MYH11: variants seen among roughly 807,000 people sequenced by gnomAD.
MYH11 encodes myosin heavy chain 11.
MYH11 carries 80 observed loss-of-function variants against 246.6 expected under a neutral mutation model. That is an observed-to-expected ratio of 0.32 (90% CI 0.27 to 0.39). The LOEUF (loss-of-function observed/expected upper bound fraction) is 0.39, where lower values mean the gene tolerates loss of function less well. MYH11 is among the 10% of genes least tolerant of loss of function. MYH11 has a pLI of 1.00. For synonymous variants in MYH11, 1,071 were observed against 1,015.5 expected (o/e 1.05, Z -1.04); for missense variants, 2,158 against 2,546.8 (o/e 0.85, Z 3.29).
rs1027287400 is a variant in MYH11 at position 15,844,691 on chromosome 16, T to TA, written c.-17-6423dup. ...GGCATTATAGCAAGACCCCATCCCT[T>TA]AAAAAAAATATCAGCCAGGCATGAT... On this transcript the variant is annotated intron_variant, in intron 1 of 40. Coordinates refer to ENST00000300036, the MANE Select transcript of MYH11 (RefSeq NM_002474.3). Among the ~76,000 whole-genome samples, 7 of 151,324 alleles carry TA rather than the reference T, an allele frequency of 4.6e-5. 1 individual carries two copies. In the South Asian group the frequency reaches 1.3e-3, roughly 27 times the overall value.
chr16:15,725,918 T>C (rs1384399111), intron 28 of MYH11: 3 of 380,036 alleles, frequency 7.9e-6, no homozygotes, highest in Non-Finnish European at 1.4e-5. Context: ...CTACATCATC[T>C]GGGTACAAGC....
At chr16:15,784,624 G>T in intron 5 of MYH11, 2 of 1,546,172 alleles carry the variant, frequency 1.3e-6, no homozygotes, top group South Asian at 2.3e-5. Flanking sequence ...CTCGGTGGGT[G>T]CAAGAGGATC....
chr16:15,763,389 G>T (rs897888523), intron 10 of MYH11, among the ~76,000 whole-genome samples: 7 of 152,032 alleles, frequency 4.6e-5, no homozygotes, highest in Non-Finnish European at 8.8e-5. Flanking sequence ...TCGGGATCTT[G>T]TCTGGTCACT....
In MYH11 at chr16:15,721,472, T is replaced by G; in HGVS notation, c.4528A>C (p.Lys1510Gln). 1.2e-6 allele frequency: 2 copies of G among 1,614,210 alleles called. No individual in the cohort carries two copies. The highest frequency in any genetic ancestry group is 1.7e-6 in the Non-Finnish European group (2 of 1,180,040). ...EELERTNKML[K>Q]AEMEDLVSSK... ...CTGACCAGGTCTTCCATTTCGGCTTTGAGCATTTTGTTGGTCCGCTCGAGT... is the reference window on the plus strand; with the variant it reads ...CTGACCAGGTCTTCCATTTCGGCTTGGAGCATTTTGTTGGTCCGCTCGAGT... The change falls in exon 32 of 41, where the codon AAA (lysine) becomes CAA (glutamine). Residue 1510 changes from lysine to glutamine, a missense_variant. Coordinates refer to ENST00000300036, the MANE Select transcript of MYH11 (RefSeq NM_002474.3).
intron 8 of MYH11, among the ~76,000 whole-genome samples, chr16:15,773,894 G>A (rs982995607): frequency 6.6e-6 from 1 of 152,026 alleles, no homozygotes; most frequent in East Asian, 1.9e-4. Context: ...TTCCTTTGTT[G>A]TTGTTCAGCT....
intron 20 of MYH11, among the ~76,000 whole-genome samples, chr16:15,744,650 C>A (rs2041367306): frequency 6.6e-6 from 1 of 152,028 alleles, no homozygotes; most frequent in African/African-American, 2.4e-5. Context: ...TTACAGGTGC[C>A]TGCCACCATA....
In MYH11 at chr16:15,789,973, C is replaced by T. The variant is rs138068031; in HGVS notation, c.531-3241G>A. Among the ~76,000 whole-genome samples, 219 of 152,280 alleles carry T rather than the reference C, an allele frequency of 1.4e-3. No individual in the cohort carries two copies. The Middle Eastern group carries it at 0.017, about 12-fold the overall frequency. Reference sequence around the variant, plus strand: ...TTTCCCACAATAGTTCCTTCCTTTCCACCCTGGCCTTGAACCTCTCTCACC... The same window carrying T: ...TTTCCCACAATAGTTCCTTCCTTTCTACCCTGGCCTTGAACCTCTCTCACC... On this transcript the variant is annotated intron_variant, in intron 4 of 40. Transcript: ENST00000300036.
chr16:15,763,583 TG>T (rs1050338868), intron 10 of MYH11, among the ~76,000 whole-genome samples: 21 of 152,232 alleles, frequency 1.4e-4, no homozygotes, highest in African/African-American at 5.1e-4. Flanking sequence ...CTATTAGGTT[TG>T]TTTTTTTTTA....
intron 16 of MYH11, chr16:15,749,703 T>C (rs1178547409): frequency 3.9e-6 from 1 of 254,374 alleles, no homozygotes; most frequent in East Asian, 9.7e-5. Flanking sequence ...CACTAGATGC[T>C]GACTAACAGC....
In MYH11 at chr16:15,747,919, G is replaced by A; in HGVS notation, c.2205C>T (p.Ala735=). The change falls in exon 18 of 41, where the codon GCC becomes GCT. Residue 735 remains alanine (A), a synonymous_variant. Coordinates refer to ENST00000300036, the MANE Select transcript of MYH11 (RefSeq NM_002474.3). The part of the protein sequence containing the change: ...RQRYEILAAN[A]IPKGFMDGKQ... The stretch of plus-strand genomic sequence containing the variant: ...TCCCGTCCATGAAGCCTTTGGGGAT[G>A]GCATTCGCCGCCAGGATCTCGTAGC... The A allele has an allele frequency of 6.2e-7, 1 of 1,614,030 alleles. No homozygotes were observed. Among genetic ancestry groups the A allele is most frequent in the South Asian group, 1.1e-5 (1 of 91,074 alleles).
chr16:15,801,555 G>A (rs1360957750), intron 3 of MYH11, among the ~76,000 whole-genome samples: 1 of 151,998 alleles, frequency 6.6e-6, no homozygotes, highest in Non-Finnish European at 1.5e-5. Context: ...CAGCTACTTG[G>A]GAGGCTGAGA....
rs61612274 is a variant in MYH11 at position 15,760,349 on chromosome 16, AATGG to A, written c.1248+187_1248+190del. ...GGGTGAGCAGATAGATGGGCAGATG[AATGG>A]ATGGATGGATGGATGGATGAACAGA... On this transcript the variant is annotated intron_variant, in intron 11 of 40. Transcript: ENST00000300036. Among the ~76,000 whole-genome samples the A allele has an allele frequency of 0.13, 19,329 of 151,560 alleles. 2,529 individuals carry two copies. Among genetic ancestry groups the A allele is most frequent in the African/African-American group, 0.34 (13,849 of 41,102 alleles).
intron 1 of MYH11, among the ~76,000 whole-genome samples, chr16:15,840,610 C>A (rs28594849): frequency 3.7e-3 from 566 of 152,030 alleles, no homozygotes; most frequent in Non-Finnish European, 6.5e-3. Context: ...TGCATGCCTA[C>A]GGTTCCAGCT....
At chr16:15,705,290 G>A (rs969265371) in intron 40 of MYH11, among the ~76,000 whole-genome samples, 2 of 152,138 alleles carry the variant, frequency 1.3e-5, no homozygotes, top group African/African-American at 4.8e-5. Context: ...CCTCTGAGGT[G>A]GATTTTAGCT....
chr16:15,710,757 G>C (rs138289851), intron 40 of MYH11, among the ~76,000 whole-genome samples: 27 of 152,044 alleles, frequency 1.8e-4, no homozygotes, highest in African/African-American at 6.5e-4. Flanking sequence ...GCTCACTGCA[G>C]GCTCCTCCTC....
intron 1 of MYH11, among the ~76,000 whole-genome samples, chr16:15,847,289 C>T (rs1006537795): frequency 7.0e-6 from 1 of 141,942 alleles, no homozygotes; most frequent in Admixed American, 7.4e-5. Flanking sequence ...CTTGCTCTGT[C>T]GCCCAGGCTG....
chr16:15,734,944 C>T (rs563298859), intron 26 of MYH11, among the ~76,000 whole-genome samples: 5 of 151,920 alleles, frequency 3.3e-5, no homozygotes, highest in Non-Finnish European at 5.9e-5. Context: ...GTTTGGGAGG[C>T]GGAAGTGGGT....
chr16:15,798,802 A>ATTGGAAGT (rs2042814090), intron 3 of MYH11, 115 bp from the exon 4 acceptor site: 3 of 1,137,560 alleles, frequency 2.6e-6, no homozygotes, highest in African/African-American at 1.6e-5. Context: ...TGCTGGCCTC[A>ATTGGAAGT]TTGGAAGTGA....
chr16:15,848,337 G>C lies in MYH11; in HGVS notation c.-18+8604C>G, dbSNP rs77822560. 4.7e-5 allele frequency among the ~76,000 whole-genome samples: 7 copies of C among 148,346 alleles called. No homozygotes were observed. The East Asian group carries it at 1.4e-3, about 30-fold the overall frequency. ...AACCTCCACGTTTCTGGGTTCAAGT[G>C]ATTCTCGTGCCTCAGCCTCCCAAGT... is the stretch of plus-strand genomic sequence containing the variant. On this transcript the variant is annotated intron_variant, in intron 1 of 40. Coordinates refer to ENST00000300036, the MANE Select transcript of MYH11 (RefSeq NM_002474.3).
Sources: gnomAD v4.1 joint callset for allele counts (sites outside exome capture counted in the v4.1 genomes callset) on GRCh38, gnomAD v4.1.1 for gene constraint, MANE v1.5 for transcripts, NCBI Gene and HGNC (gene_info 2026-07-23, HGNC 2026-07-21) for gene names.